CFAP54: variants seen among roughly 807,000 people sequenced by gnomAD.
CFAP54 encodes cilia and flagella associated protein 54.
CFAP54 carries 290 observed loss-of-function variants against 370.4 expected under a neutral mutation model. The observed-to-expected ratio is 0.78, with a 90% CI of 0.71 to 0.86. The LOEUF (loss-of-function observed/expected upper bound fraction) is 0.86. CFAP54 is among the 40% of genes least tolerant of loss of function. CFAP54 has a pLI of 0.00. For synonymous variants in CFAP54, 1,206 were observed against 1,236.5 expected, an observed-to-expected ratio of 0.98 and a Z score of 0.52; for missense variants, 3,399 against 3,528.7, an observed-to-expected ratio of 0.96 and a Z score of 0.93.
chr12:96,598,605 G>T, intron 25 of CFAP54, 40 bp from the exon 26 acceptor site: 1 of 574,432 alleles, frequency 1.7e-6, no homozygotes, highest in South Asian at 2.3e-5. Flanking sequence ...GAGTAAGGAT[G>T]ACATTTTAAA....
At chr12:96,634,741 T>TTCCATTTAAGTTG (rs1956646456) in intron 32 of CFAP54, among the ~76,000 whole-genome samples, 1 of 152,240 alleles carries the variant, frequency 6.6e-6, no homozygotes, top group African/African-American at 2.4e-5. Context: ...GTGATTCATT[T>TTCCATTTAAGTTG]TGAGTTAATT....
At chr12:96,751,654 A>G (rs956630834) in intron 55 of CFAP54, among the ~76,000 whole-genome samples, 5 of 152,190 alleles carry the variant, frequency 3.3e-5, no homozygotes, top group African/African-American at 1.2e-4. Flanking sequence ...AAATTAGCAT[A>G]TCTTTTATTT....
intron 17 of CFAP54, 58 bp downstream of exon 17, chr12:96,554,860 C>T (rs1955736047): frequency 7.3e-7 from 1 of 1,366,090 alleles, no homozygotes; most frequent in Non-Finnish European, 9.5e-7. Flanking sequence ...GACTCCAGTA[C>T]AGAATCAATT....
At chr12:96,724,869 G>A (rs1478153428) in intron 50 of CFAP54, among the ~76,000 whole-genome samples, 1 of 152,152 alleles carries the variant, frequency 6.6e-6, no homozygotes, top group African/African-American at 2.4e-5. Flanking sequence ...GTAAGGAAGG[G>A]ATCCAGTTTC....
intron 66 of CFAP54, among the ~76,000 whole-genome samples, chr12:96,834,884 A>C (rs906314760): frequency 6.6e-6 from 1 of 152,202 alleles, no homozygotes; most frequent in Non-Finnish European, 1.5e-5. Context: ...CAAGATGAAG[A>C]GGAGCTTTAT....
At chr12:96,767,298 T>G (rs1427186423) in intron 60 of CFAP54, among the ~76,000 whole-genome samples, 1 of 152,058 alleles carries the variant, frequency 6.6e-6, no homozygotes, top group Non-Finnish European at 1.5e-5. Context: ...ACGAAAAAGG[T>G]GCTGTGATTA....
chr12:96,549,260 G>T (rs1410892911), intron 15 of CFAP54, among the ~76,000 whole-genome samples: 1 of 152,038 alleles, frequency 6.6e-6, no homozygotes, highest in Non-Finnish European at 1.5e-5. Flanking sequence ...CTACCTATAG[G>T]TACAAAGTGC....
intron 21 of CFAP54, 100 bp downstream of exon 21, chr12:96,580,789 C>A: frequency 2.7e-6 from 3 of 1,103,932 alleles, no homozygotes; most frequent in South Asian, 4.0e-5. Context: ...TAATTTCCAC[C>A]TGAATCATAA....
At chr12:96,792,757 C>CT (rs1160479101) in intron 63 of CFAP54, among the ~76,000 whole-genome samples, 2 of 151,638 alleles carry the variant, frequency 1.3e-5, no homozygotes, top group African/African-American at 4.8e-5. Context: ...TGATGCTTAA[C>CT]TTTTTTTTGG....
intron 22 of CFAP54, among the ~76,000 whole-genome samples, chr12:96,587,162 A>T (rs528898288): frequency 3.9e-5 from 6 of 152,164 alleles, no homozygotes; most frequent in African/African-American, 1.4e-4. Flanking sequence ...GGTGTTTAGT[A>T]TATATGGAGA....
chr12:96,645,261 C>T (rs1956775323), intron 33 of CFAP54: 1 of 415,316 alleles, frequency 2.4e-6, no homozygotes, highest in Non-Finnish European at 4.9e-6. Context: ...TAAAAAGATA[C>T]AAAATCAATG....
intron 1 of CFAP54, among the ~76,000 whole-genome samples, chr12:96,492,086 A>G (rs1430992557): frequency 3.9e-5 from 6 of 152,100 alleles, no homozygotes; most frequent in African/African-American, 1.2e-4. Context: ...AATGGTTTTT[A>G]TCTTTGAACT....
chr12:96,674,148 T>G (rs1430801663), intron 39 of CFAP54, among the ~76,000 whole-genome samples: 1 of 152,168 alleles, frequency 6.6e-6, no homozygotes, highest in African/African-American at 2.4e-5. Flanking sequence ...GTTGGAATTT[T>G]CAGCCCTTTG....
chr12:96,589,523 G>A lies in CFAP54; in HGVS notation c.3172G>A (p.Val1058Ile), dbSNP rs1326837324. The A allele has an allele frequency of 6.7e-7, 1 of 1,485,346 alleles. No homozygotes were observed. Among genetic ancestry groups the A allele is most frequent in the Non-Finnish European group, 9.1e-7 (1 of 1,101,098 alleles). The allele number at this position is 1,485,346 out of a possible 1,614,324, so 92.0% of individuals were successfully genotyped here. A position where few individuals can be genotyped will look rare whatever the true frequency, so the allele number is the denominator to read the frequency against. ...TTCGCCACTTCAGGATGAACAATCT[G>A]TTATTTGTTTAAGCAATATAATTAC... The part of the protein sequence containing the change: ...VASPLQDEQS[V>I]ICLSNIITIT... Residue 1058 changes from valine (V) to isoleucine (I), a missense_variant, in exon 23 of 68, where the codon GTT becomes ATT. Physicochemically the swap from Val to Ile is conservative, Grantham distance 29. Around this residue, in one of 3 missense-constraint regions of CFAP54, gnomAD observed 2,796 missense variants for 2,869.7 expected, o/e 0.97. Coordinates refer to ENST00000524981, the MANE Select transcript of CFAP54 (RefSeq NM_001306084.2).
intron 47 of CFAP54, among the ~76,000 whole-genome samples, chr12:96,706,369 T>C: frequency 6.6e-6 from 1 of 152,054 alleles, no homozygotes; most frequent in Middle Eastern, 3.2e-3. Context: ...CTTTTGTAAA[T>C]AGACCTGAAA....
intron 2 of CFAP54, 198 bp downstream of exon 2, chr12:96,501,137 A>T (rs1201031981): frequency 2.3e-6 from 1 of 443,256 alleles, no homozygotes. Context: ...GATTTCCCAG[A>T]GGTGAGACAT....
intron 32 of CFAP54, among the ~76,000 whole-genome samples, chr12:96,638,665 T>A (rs557891222): frequency 6.6e-6 from 1 of 152,322 alleles, no homozygotes; most frequent in Admixed American, 6.5e-5. Flanking sequence ...AATTTCTAGG[T>A]ATGTTTTTGA....
At chr12:96,648,110 G>A in intron 34 of CFAP54, 93 bp downstream of exon 34, 1 of 894,072 alleles carries the variant, frequency 1.1e-6, no homozygotes, top group Non-Finnish European at 1.5e-6. Context: ...ACACACAAAT[G>A]TATACACCCA....
intron 26 of CFAP54, among the ~76,000 whole-genome samples, chr12:96,610,147 C>T (rs540665517): frequency 7.0e-4 from 106 of 152,246 alleles, no homozygotes; most frequent in African/African-American, 2.5e-3. Flanking sequence ...AGGAATGGCC[C>T]CTAAGTCTAC....
Sources: allele counts gnomAD v4.1 joint callset (sites outside exome capture counted in the v4.1 genomes callset), GRCh38; gene constraint gnomAD v4.1.1; regional missense constraint gnomAD v4.1.1; transcripts MANE v1.5; gene names NCBI Gene and HGNC (gene_info 2026-07-23, HGNC 2026-07-21).